MTFMT: variants seen among roughly 807,000 people sequenced by gnomAD.
The protein encoded by MTFMT is mitochondrial methionyl-tRNA formyltransferase.
In MTFMT, 47 loss-of-function variants were observed where a neutral mutation model predicts 51.8. That is an observed-to-expected ratio of 0.91 (90% CI 0.72 to 1.16). The LOEUF (loss-of-function observed/expected upper bound fraction) is 1.16, where lower values mean the gene tolerates loss of function less well. Ranked by LOEUF, MTFMT falls within the 50% of genes most tolerant of loss-of-function variation. The pLI, the probability that MTFMT is intolerant of heterozygous loss-of-function variation, is 0.00. For synonymous variants in MTFMT, 196 were observed against 176.7 expected (o/e 1.11, Z -0.87); for missense variants, 512 against 482.3 (o/e 1.06, Z -0.58).
At chr15:65,025,583 A>G (rs1264158521) in intron 2 of MTFMT, among the ~76,000 whole-genome samples, 1 of 152,208 alleles carries the variant, frequency 6.6e-6, no homozygotes, top group East Asian at 1.9e-4. Context: ...TTTTGAAGGC[A>G]GAGCCAATAG....
chr15:65,029,473 G>T lies in MTFMT; in HGVS notation c.141C>A (p.Pro47=). ...CCGTGCCGAAGAAGAGCACCCGCCAGGGAGGCTTCTCGCGGACTCTGGAGT... is the reference window on the plus strand; with the variant it reads ...CCGTGCCGAAGAAGAGCACCCGCCATGGAGGCTTCTCGCGGACTCTGGAGT... ...CRDSRVREKP[P]WRVLFFGTDQ... Residue 47 remains proline (P), a synonymous_variant, in exon 1 of 9, where the codon CCC becomes CCA. Transcript: ENST00000220058. 1 of 1,534,112 alleles carries T rather than the reference G, an allele frequency of 6.5e-7. No individual in the cohort carries two copies. Among genetic ancestry groups the T allele is most frequent in the Non-Finnish European group, 8.8e-7 (1 of 1,142,032 alleles).
At chr15:65,020,417 G>C (rs957195678) in intron 4 of MTFMT, 145 bp from the exon 5 acceptor site, 1 of 679,056 alleles carries the variant, frequency 1.5e-6, no homozygotes, top group Non-Finnish European at 2.4e-6. Context: ...CTTTACTATT[G>C]GCTCTTCAAG....
chr15:65,012,633 C>T (rs2086280783), intron 6 of MTFMT, among the ~76,000 whole-genome samples: 1 of 152,190 alleles, frequency 6.6e-6, no homozygotes, highest in Non-Finnish European at 1.5e-5. Context: ...CTCCTGACCT[C>T]AAGTGATCCA....
intron 1 of MTFMT, 72 bp from the exon 2 acceptor site, chr15:65,027,112 G>T (rs1223374265): frequency 9.5e-7 from 1 of 1,057,276 alleles, no homozygotes; most frequent in Non-Finnish European, 1.4e-6. Context: ...TTCACATATC[G>T]CTAAGTATGT....
intron 6 of MTFMT, among the ~76,000 whole-genome samples, chr15:65,006,940 C>A (rs1421392712): frequency 6.6e-6 from 1 of 152,094 alleles, no homozygotes; most frequent in Non-Finnish European, 1.5e-5. Context: ...CCAAATGCCA[C>A]CCAGGTCATT....
At chr15:65,015,281 G>A (rs1275971319) in intron 6 of MTFMT, among the ~76,000 whole-genome samples, 1 of 152,096 alleles carries the variant, frequency 6.6e-6, no homozygotes, top group Non-Finnish European at 1.5e-5. Context: ...TGTGGCAGCA[G>A]GAAAATAATA....
At chr15:65,008,518 T>C (rs926498593) in intron 6 of MTFMT, among the ~76,000 whole-genome samples, 9 of 152,232 alleles carry the variant, frequency 5.9e-5, no homozygotes, top group African/African-American at 2.2e-4. Flanking sequence ...GAAATGCAGC[T>C]ATTTTCCCAA....
chr15:65,002,484 T>C lies in MTFMT; in HGVS notation c.*578A>G, dbSNP rs188475186. 8 of 152,274 alleles carry C rather than the reference T, an allele frequency of 5.3e-5. No homozygotes were observed. The highest frequency in any genetic ancestry group is 1.9e-4 in the African/African-American group (8 of 41,546). The allele number at this position is 152,274 out of a possible 1,614,324, so 9.4% of individuals were successfully genotyped here. On this transcript the variant is annotated 3_prime_UTR_variant, in exon 9 of 9. Coordinates refer to ENST00000220058, the MANE Select transcript of MTFMT (RefSeq NM_139242.4). ...ATACACCAGTTAGGGTTGCCCTTGT[T>C]CTTAAGGAAAGATAATCTCCTTGAG...
intron 2 of MTFMT, among the ~76,000 whole-genome samples, chr15:65,024,715 G>T (rs550369910): frequency 6.6e-6 from 1 of 151,976 alleles, no homozygotes; most frequent in African/African-American, 2.4e-5. Context: ...CCTGCCCTCA[G>T]AGAGTTTATG....
At chr15:65,024,969 C>G (rs1052017647) in intron 2 of MTFMT, among the ~76,000 whole-genome samples, 7 of 152,116 alleles carry the variant, frequency 4.6e-5, no homozygotes, top group African/African-American at 1.7e-4. Flanking sequence ...GTACAAAGAT[C>G]TTGAAGAAGG....
At position 65,003,202 on chromosome 15, in the gene MTFMT, C is replaced by G. The variant is rs1183287565; in HGVS notation, c.1030G>C (p.Asp344His). 6.2e-7 allele frequency: 1 copy of G among 1,613,574 alleles called. No individual in the cohort carries two copies. Among genetic ancestry groups the G allele is most frequent in the East Asian group, 2.2e-5 (1 of 44,868 alleles). The part of the protein sequence containing the change: ...VMLKKSLTAT[D>H]FYNGYLHPWY... ...GGGTGCAAATATCCATTGTAGAAGT[C>G]AGTAGCTGTTAGTGATTTCTTGAGC... The change falls in exon 9 of 9, where the codon GAC becomes CAC. Residue 344 changes from aspartate (D) to histidine (H), a missense_variant. Transcript: ENST00000220058.
chr15:65,025,431 A>ATAAC (rs2086414313), intron 2 of MTFMT, among the ~76,000 whole-genome samples: 1 of 151,690 alleles, frequency 6.6e-6, no homozygotes, highest in African/African-American at 2.4e-5. Context: ...AAATAAATAA[A>ATAAC]TAAATACATT....
intron 7 of MTFMT, 43 bp from the exon 8 acceptor site, chr15:65,004,979 A>G (rs2086210023): frequency 7.2e-7 from 1 of 1,390,598 alleles, no homozygotes; most frequent in Non-Finnish European, 1.0e-6. Context: ...AGAAAAAAGC[A>G]ATTATGCAAC....
chr15:65,007,025 A>C (rs925462403), intron 6 of MTFMT, among the ~76,000 whole-genome samples: 2 of 152,172 alleles, frequency 1.3e-5, no homozygotes, highest in African/African-American at 4.8e-5. Flanking sequence ...TAAAGGAAAT[A>C]AATCAAGGTG....
chr15:65,028,057 G>C lies in MTFMT; in HGVS notation c.210-1017C>G, dbSNP rs536393185. On this transcript the variant is annotated intron_variant, in intron 1 of 8. Transcript: ENST00000220058. ...GTATGTACACGTTGAGGAGTTATGA[G>C]GAGTATGTCCTGGGGCACTATAAAG... Among the ~76,000 whole-genome samples, 9 of 152,316 alleles carry C rather than the reference G, an allele frequency of 5.9e-5. No homozygotes were observed. The South Asian group carries it at 1.9e-3, about 32-fold the overall frequency.
rs1357783803 is a variant in MTFMT at position 65,006,187 on chromosome 15, G to A, written c.818C>T (p.Pro273Leu). Residue 273 changes from proline (P) to leucine (L), a missense_variant, in exon 7 of 9, where the codon CCG becomes CTG. Pro to Leu is a moderately conservative substitution (Grantham distance 98, BLOSUM62 -3). Coordinates refer to ENST00000220058, the MANE Select transcript of MTFMT (RefSeq NM_139242.4). ...RLYRAIGNIIPLQTLWMANTI... is the reference protein window; with the variant it reads ...RLYRAIGNIILLQTLWMANTI... The stretch of plus-strand genomic sequence containing the variant: ...ATTCGCCATCCAGAGCGTCTGCAAC[G>A]GAATCTGCAAGTAAAATTAAAGAAG... The A allele has an allele frequency of 5.0e-6, 8 of 1,610,516 alleles. No individual in the cohort carries two copies. Among genetic ancestry groups the A allele is most frequent in the Admixed American group, 1.7e-5 (1 of 59,898 alleles).
At chr15:65,029,154 T>C in intron 1 of MTFMT, 1 of 550,890 alleles carries the variant, frequency 1.8e-6, no homozygotes, top group Non-Finnish European at 2.3e-6. Flanking sequence ...ACAGCGTGGG[T>C]GGCAGGGCGC....
At chr15:65,019,187 C>G (rs567565213) in intron 5 of MTFMT, among the ~76,000 whole-genome samples, 12 of 152,322 alleles carry the variant, frequency 7.9e-5, no homozygotes, top group African/African-American at 2.9e-4. Flanking sequence ...CTGGAAAGAT[C>G]TGGTGGTCAC....
chr15:65,011,616 C>T (rs1193594862), intron 6 of MTFMT, among the ~76,000 whole-genome samples: 1 of 150,712 alleles, frequency 6.6e-6, no homozygotes, highest in African/African-American at 2.4e-5. Flanking sequence ...CCCATTCCAG[C>T]CTCCCAAGTA....
Sources: allele counts gnomAD v4.1 joint callset (sites outside exome capture counted in the v4.1 genomes callset), GRCh38; gene constraint gnomAD v4.1.1; transcripts MANE v1.5; gene names NCBI Gene and HGNC (gene_info 2026-07-23, HGNC 2026-07-21).